Variants in F2 observed in about 807,000 individuals in gnomAD.
F2 encodes the protein coagulation factor II, thrombin.
Under a neutral mutation model 81.9 loss-of-function variants are expected in F2, and 34 were observed. The ratio of observed to expected loss-of-function variants is 0.42; its 90% CI spans 0.32 to 0.55. The LOEUF (loss-of-function observed/expected upper bound fraction) is 0.55. Ranked by LOEUF, F2 falls within the 20% of genes least tolerant of loss-of-function variation. The pLI is 0.18. For synonymous variants in F2, 296 were observed against 326.4 expected (o/e 0.91, Z 1.01); for missense variants, 630 against 833.4 (o/e 0.76, Z 3.00).
chr11:46,736,597 C>T (rs1470228708), intron 12 of F2, among the ~76,000 whole-genome samples: 1 of 152,126 alleles, frequency 6.6e-6, no homozygotes, highest in Non-Finnish European at 1.5e-5. Context: ...GGTGCCCAGC[C>T]CCACGTTCTA....
rs1478737126 is a variant in F2, at chr11:46,719,397, A to C, written c.79+83A>C. ...CTGGGGTCTCCTGGCTGGACAGAGC[A>C]CACAGAGCTGGCCCCTAAGTAGGTC... On this transcript the variant is annotated intron_variant, in intron 1 of 13. Coordinates refer to ENST00000311907, the MANE Select transcript of F2 (RefSeq NM_000506.5). This position sits in a 1 kb window ranked among gnomAD's most constrained non-coding sequence, Gnocchi z 4.7. The C allele has an allele frequency of 1.4e-6, 2 of 1,481,260 alleles. No homozygotes were observed. Among genetic ancestry groups the C allele is most frequent in the Non-Finnish European group, 1.8e-6 (2 of 1,082,782 alleles). 91.8% of individuals were successfully genotyped at this position (1,481,260 alleles called of 1,614,324 possible).
Position 46,723,219 on chromosome 11 carries a change from A to G in F2, c.356A>G (p.His119Arg). The change falls in exon 5 of 14, where the codon CAT (histidine) becomes CGT (arginine). Residue 119 changes from histidine (H) to arginine (R), a missense_variant. Physicochemically the swap from His to Arg is conservative, Grantham distance 29. Coordinates refer to ENST00000311907, the MANE Select transcript of F2 (RefSeq NM_000506.5). The surrounding 1 kb of genome is among the most constrained non-coding windows in gnomAD (Gnocchi z 5.6). ...AEGLGTNYRG[H>R]VNITRSGIEC... ...GGTCTGGGTACGAACTACCGAGGGC[A>G]TGTGAACATCACCCGGTCAGGCATT... 1 of 1,614,104 alleles carries G rather than the reference A, an allele frequency of 6.2e-7. No homozygotes were observed. Among genetic ancestry groups the G allele is most frequent in the Non-Finnish European group, 8.5e-7 (1 of 1,180,016 alleles).
At position 46,719,582 on chromosome 11, in the gene F2, A is replaced by G. The variant is rs910760657; in HGVS notation, c.80-120A>G. On this transcript the variant is annotated intron_variant, in intron 1 of 13. Coordinates refer to ENST00000311907, the MANE Select transcript of F2 (RefSeq NM_000506.5). This position sits in a 1 kb window ranked among gnomAD's most constrained non-coding sequence, Gnocchi z 4.7. The stretch of plus-strand genomic sequence containing the variant: ...TAGCAGCCTTCCAGGCACTTCCACC[A>G]GCCCAGACAGCCTCTCTCAGAAGCC... The G allele has an allele frequency of 4.1e-5, 55 of 1,354,844 alleles. No individual in the cohort carries two copies. The South Asian group carries it at 6.7e-4, about 17-fold the overall frequency. 83.9% of individuals were successfully genotyped at this position (1,354,844 alleles called of 1,614,324 possible).
rs1592412744 is a variant in F2 at position 46,726,451 on chromosome 11, T to G, written c.875-47T>G. ...GAATTGGGGGGATCTAGGGGATGGG[T>G]GAGGAATGGCCCAGCCCAGTCCCAG... is the stretch of plus-strand genomic sequence containing the variant. On this transcript the variant is annotated intron_variant, in intron 7 of 13. Transcript: ENST00000311907. The surrounding 1 kb of genome is among the most constrained non-coding windows in gnomAD (Gnocchi z 5.9). The G allele has an allele frequency of 1.3e-6, 2 of 1,594,940 alleles. No homozygotes were observed. Among genetic ancestry groups the G allele is most frequent in the African/African-American group, 1.3e-5 (1 of 74,364 alleles).
At chr11:46,725,774 G>C (rs1200492041) in intron 6 of F2, 85 bp from the exon 7 acceptor site, 1 of 1,477,362 alleles carries the variant, frequency 6.8e-7, no homozygotes, top group Non-Finnish European at 9.4e-7. Flanking sequence ...GCAGAAAGCA[G>C]CAAGACCGGG....
intron 3 of F2, 109 bp downstream of exon 3, chr11:46,720,656 T>C: frequency 6.7e-7 from 1 of 1,500,634 alleles, no homozygotes; most frequent in Non-Finnish European, 9.3e-7. Context: ...CATCCACCCC[T>C]TCCCCACTCC....
At position 46,719,850 on chromosome 11, in the gene F2, C is replaced by G. The variant is rs772878615; in HGVS notation, c.228C>G (p.Ser76=). 2.5e-6 allele frequency: 4 copies of G among 1,570,032 alleles called. No individual in the cohort carries two copies. The East Asian group carries it at 7.0e-5, about 28-fold the overall frequency. Residue 76 remains serine, a synonymous_variant, in exon 2 of 14, where the codon TCC becomes TCG. Transcript: ENST00000311907. The surrounding 1 kb of genome is among the most constrained non-coding windows in gnomAD (Gnocchi z 4.7). The part of the protein sequence containing the change: ...SYEEAFEALE[S]STATDVFWAK... Reference sequence around the variant, plus strand: ...AGGAGGCCTTCGAGGCTCTGGAGTCCTCCACGGCTACGGTGAGCCTGGGCT... The same window carrying G: ...AGGAGGCCTTCGAGGCTCTGGAGTCGTCCACGGCTACGGTGAGCCTGGGCT...
Position 46,726,494 on chromosome 11 carries a change from A to G in F2, c.875-4A>G, listed in dbSNP as rs2064873936. 2.5e-6 allele frequency: 4 copies of G among 1,612,782 alleles called. No individual in the cohort carries two copies. The highest frequency in any genetic ancestry group is 1.7e-5 in the Admixed American group (1 of 59,904). Reference sequence around the variant, plus strand: ...AGTCCCAGCCGGTGCCTGGGTCCCAACAGAGGAGGCCGTGGAGGAGGAGAC... The same window carrying G: ...AGTCCCAGCCGGTGCCTGGGTCCCAGCAGAGGAGGCCGTGGAGGAGGAGAC... On this transcript the variant is annotated splice_polypyrimidine_tract_variant and splice_region_variant and intron_variant, in intron 7 of 13. Transcript: ENST00000311907. This position sits in a 1 kb window ranked among gnomAD's most constrained non-coding sequence, Gnocchi z 5.9.
At position 46,726,124 on chromosome 11, in the gene F2, T is replaced by C. The variant is rs1396401528; in HGVS notation, c.825T>C (p.Tyr275=). 4.3e-6 allele frequency: 7 copies of C among 1,614,176 alleles called. No homozygotes were observed. The highest frequency in any genetic ancestry group is 4.2e-6 in the Non-Finnish European group (5 of 1,180,042). ...GGGATGAGGAGGGCGTGTGGTGCTATGTGGCCGGGAAGCCTGGCGACTTTG... is the reference window on the plus strand; with the variant it reads ...GGGATGAGGAGGGCGTGTGGTGCTACGTGGCCGGGAAGCCTGGCGACTTTG... ...PDGDEEGVWC[Y]VAGKPGDFGY... The change falls in exon 7 of 14, where the codon TAT becomes TAC. Residue 275 remains tyrosine, a synonymous_variant. Coordinates refer to ENST00000311907, the MANE Select transcript of F2 (RefSeq NM_000506.5). This position sits in a 1 kb window ranked among gnomAD's most constrained non-coding sequence, Gnocchi z 5.9.
At chr11:46,737,695 C>T (rs1173197145) in intron 12 of F2, among the ~76,000 whole-genome samples, 2 of 152,186 alleles carry the variant, frequency 1.3e-5, no homozygotes, top group African/African-American at 4.8e-5. Flanking sequence ...GCCTCAGCCT[C>T]CCAAAGTGCT....
chr11:46,722,279 G>C (rs1450470374), intron 4 of F2, among the ~76,000 whole-genome samples: 1 of 152,162 alleles, frequency 6.6e-6, no homozygotes, highest in Non-Finnish European at 1.5e-5. Context: ...TCTCAAAAGA[G>C]AACAAAAATA....
chr11:46,729,258 G>T, intron 11 of F2, 122 bp from the exon 12 acceptor site: 2 of 1,114,910 alleles, frequency 1.8e-6, no homozygotes, highest in Non-Finnish European at 2.6e-6. Context: ...GAGACCACAG[G>T]CGTGAACGTC....
chr11:46,730,323 A>G (rs1192551288), intron 12 of F2, among the ~76,000 whole-genome samples: 1 of 152,030 alleles, frequency 6.6e-6, no homozygotes, highest in Non-Finnish European at 1.5e-5. Flanking sequence ...TCAATCAATC[A>G]GGTGGCCAGA....
chr11:46,734,684 G>A lies in F2; in HGVS notation c.1655-4364G>A, dbSNP rs185764303. 4.4e-3 allele frequency among the ~76,000 whole-genome samples: 666 copies of A among 152,244 alleles called. 7 individuals carry two copies. The highest frequency in any genetic ancestry group is 6.8e-3 in the Middle Eastern group (2 of 294). ...AAATTAGCTGGGCGTGGTGGCTGAT[G>A]CCTGTAGTCCCAGCTACTCAGGAGA... On this transcript the variant is annotated intron_variant, in intron 12 of 13. Transcript: ENST00000311907.
chr11:46,725,782 G>A (rs899075532), intron 6 of F2, 77 bp from the exon 7 acceptor site: 8 of 1,514,814 alleles, frequency 5.3e-6, no homozygotes, highest in Non-Finnish European at 7.3e-6. Context: ...CAGCAAGACC[G>A]GGGTTCACAC....
chr11:46,726,226 T>A lies in F2; in HGVS notation c.874+53T>A, dbSNP rs55834416. The A allele has an allele frequency of 5.4e-5, 86 of 1,601,492 alleles. No individual in the cohort carries two copies. The highest frequency in any genetic ancestry group is 6.8e-5 in the Non-Finnish European group (80 of 1,175,318). ...TTGCAGGGACAAATCCTGGTGGGAA[T>A]AACAACAGCCGCTTCTGCTTATCGA... is the stretch of plus-strand genomic sequence containing the variant. On this transcript the variant is annotated intron_variant, in intron 7 of 13. Transcript: ENST00000311907. This position sits in a 1 kb window ranked among gnomAD's most constrained non-coding sequence, Gnocchi z 5.9.
chr11:46,738,596 C>T (rs986667002), intron 12 of F2, among the ~76,000 whole-genome samples: 1 of 152,080 alleles, frequency 6.6e-6, no homozygotes, highest in African/African-American at 2.4e-5. Flanking sequence ...CTCTTAGCCT[C>T]CCGAGTAGCT....
intron 12 of F2, 85 bp from the exon 13 acceptor site, chr11:46,738,963 G>A: frequency 7.3e-7 from 1 of 1,364,354 alleles, no homozygotes; most frequent in Non-Finnish European, 1.0e-6. Flanking sequence ...AGGGGTAAGT[G>A]GACTCTCACC....
At chr11:46,720,128 G>A in intron 2 of F2, 1 of 580,146 alleles carries the variant, frequency 1.7e-6, no homozygotes, top group Non-Finnish European at 3.1e-6. Context: ...GGAGCTCTGT[G>A]TCCACATGGC....
Sources: allele counts gnomAD v4.1 joint callset (sites outside exome capture counted in the v4.1 genomes callset), GRCh38; gene constraint gnomAD v4.1.1; non-coding constraint Gnocchi (gnomAD v3.1); transcripts MANE v1.5; gene names NCBI Gene and HGNC (gene_info 2026-07-23, HGNC 2026-07-21).